The following PRR16 variants were observed in gnomAD, a reference collection of about 807,000 sequenced individuals.
PRR16 encodes protein Largen.
In PRR16, 6 loss-of-function variants were observed where a neutral mutation model predicts 18.2. That is an observed-to-expected ratio of 0.33 (90% CI 0.18 to 0.65). PRR16 has a LOEUF of 0.65. Ranked by LOEUF, PRR16 falls within the 30% of genes least tolerant of loss-of-function variation. PRR16 has a pLI of 0.74. For synonymous variants in PRR16, 151 were observed against 147.8 expected (o/e 1.02, Z -0.16); for missense variants, 412 against 376.6 (o/e 1.09, Z -0.78).
At chr5:120,651,704 C>T (rs1199790037) in intron 1 of PRR16, among the ~76,000 whole-genome samples, 1 of 152,066 alleles carries the variant, frequency 6.6e-6, no homozygotes, top group African/African-American at 2.4e-5. Flanking sequence ...GTTTTGGTAC[C>T]AGTACCATGC....
the PRR16 span, among the ~76,000 whole-genome samples, chr5:120,764,064 C>A: frequency 6.6e-6 from 1 of 152,058 alleles, no homozygotes; most frequent in African/African-American, 2.4e-5. Flanking sequence ...TTTCTCTTGT[C>A]TGATTGCTCT....
chr5:120,776,338 G>GT, the PRR16 span, among the ~76,000 whole-genome samples: 19 of 151,902 alleles, frequency 1.3e-4, no homozygotes, highest in Non-Finnish European at 2.5e-4. Flanking sequence ...TTCATCTTTG[G>GT]TTTTCAAGCA....
At chr5:120,646,530 T>A (rs764567871) in intron 1 of PRR16, among the ~76,000 whole-genome samples, 1 of 152,024 alleles carries the variant, frequency 6.6e-6, no homozygotes, top group Non-Finnish European at 1.5e-5. Context: ...GAATCTACGC[T>A]GGGATTACAG....
the PRR16 span, among the ~76,000 whole-genome samples, chr5:120,741,850 C>T: frequency 6.6e-6 from 1 of 152,064 alleles, no homozygotes; most frequent in Non-Finnish European, 1.5e-5. Context: ...ATCCGCCTGC[C>T]GCAGCCTCCC....
intron 1 of PRR16, among the ~76,000 whole-genome samples, chr5:120,607,304 T>A (rs556626319): frequency 9.8e-5 from 15 of 152,332 alleles, no homozygotes; most frequent in African/African-American, 3.6e-4. Context: ...TTAGTGTTTG[T>A]TTTTTATATA....
the PRR16 span, among the ~76,000 whole-genome samples, chr5:120,738,984 C>A: frequency 6.6e-6 from 1 of 152,138 alleles, no homozygotes; most frequent in Non-Finnish European, 1.5e-5. Context: ...CATTTACATA[C>A]TACATTTAGC....
chr5:120,542,686 G>A (rs1033714308), intron 1 of PRR16, among the ~76,000 whole-genome samples: 1 of 152,150 alleles, frequency 6.6e-6, no homozygotes, highest in Admixed American at 6.5e-5. Flanking sequence ...GTAATGAGAA[G>A]AACCAGGATG....
intron 1 of PRR16, among the ~76,000 whole-genome samples, chr5:120,629,116 G>A (rs1219983425): frequency 6.6e-6 from 1 of 151,964 alleles, no homozygotes; most frequent in Non-Finnish European, 1.5e-5. Flanking sequence ...TCCCACTTAT[G>A]AGTAAGAACA....
the PRR16 span, among the ~76,000 whole-genome samples, chr5:120,734,501 G>C: frequency 6.6e-6 from 1 of 152,090 alleles, no homozygotes; most frequent in Non-Finnish European, 1.5e-5. Context: ...TTTTGCAGCA[G>C]CTGTTGCTAA....
intron 1 of PRR16, among the ~76,000 whole-genome samples, chr5:120,640,736 T>A (rs1341393211): frequency 6.6e-6 from 1 of 152,124 alleles, no homozygotes; most frequent in Admixed American, 6.6e-5. Flanking sequence ...GTCAAATGAC[T>A]TCACTACTCA....
At chr5:120,663,077 A>G (rs576686736) in intron 1 of PRR16, among the ~76,000 whole-genome samples, 15 of 152,144 alleles carry the variant, frequency 9.9e-5, no homozygotes, top group Non-Finnish European at 1.8e-4. Flanking sequence ...TCAACCCTGC[A>G]GTCTGCCCTA....
chr5:120,516,316 TCGGGAGG>T (rs1362685210), intron 1 of PRR16, among the ~76,000 whole-genome samples: 1 of 150,320 alleles, frequency 6.7e-6, no homozygotes, highest in African/African-American at 2.4e-5. Flanking sequence ...TCCCAGCTAC[TCGGGAGG>T]CTGCGGCACA....
chr5:120,675,410 G>A (rs1756762418), intron 1 of PRR16, among the ~76,000 whole-genome samples: 1 of 151,908 alleles, frequency 6.6e-6, no homozygotes, highest in South Asian at 2.1e-4. Context: ...TAGACACAAT[G>A]TGTTCTTGTT....
intron 1 of PRR16, among the ~76,000 whole-genome samples, chr5:120,482,316 C>T (rs1033926827): frequency 3.3e-5 from 5 of 152,078 alleles, no homozygotes; most frequent in African/African-American, 1.2e-4. Flanking sequence ...GTGTTTATCA[C>T]TGCTGTCTTC....
chr5:120,685,905 A>G, intron 1 of PRR16, 49 bp from the exon 2 acceptor site: 2 of 1,538,668 alleles, frequency 1.3e-6, no homozygotes, highest in Non-Finnish European at 8.8e-7. Flanking sequence ...TTTCTAGTAT[A>G]CTTTGTTTGG....
the PRR16 span, among the ~76,000 whole-genome samples, chr5:120,782,101 A>G: frequency 6.6e-6 from 1 of 152,182 alleles, no homozygotes; most frequent in Non-Finnish European, 1.5e-5. Context: ...TGAATGAAAA[A>G]ACACCCACAA....
chr5:120,774,110 C>G, the PRR16 span, among the ~76,000 whole-genome samples: 1 of 151,978 alleles, frequency 6.6e-6, no homozygotes, highest in Non-Finnish European at 1.5e-5. Flanking sequence ...TTCTCAGTTT[C>G]TTAAGGTTGA....
chr5:120,606,491 G>T (rs1280994444), intron 1 of PRR16, among the ~76,000 whole-genome samples: 3 of 151,506 alleles, frequency 2.0e-5, no homozygotes, highest in Non-Finnish European at 4.4e-5. Context: ...TTTATTACTG[G>T]TTTGGTAAAC....
chr5:120,595,701 A>G (rs547796807), intron 1 of PRR16, among the ~76,000 whole-genome samples: 2 of 152,052 alleles, frequency 1.3e-5, no homozygotes, highest in Admixed American at 6.6e-5. Context: ...AAAAAATTCA[A>G]TGACTCAATC....
Sources: allele counts gnomAD v4.1 joint callset (sites outside exome capture counted in the v4.1 genomes callset), GRCh38; gene constraint gnomAD v4.1.1; transcripts MANE v1.5; gene names NCBI Gene and HGNC (gene_info 2026-07-23, HGNC 2026-07-21).